The following TRERF1 variants were observed in gnomAD, a reference collection of about 807,000 sequenced individuals.
TRERF1 encodes transcriptional regulating factor 1, also known as transcriptional-regulating factor 1.
In TRERF1, 27 loss-of-function variants were observed where a neutral mutation model predicts 122.9. The ratio of observed to expected loss-of-function variants is 0.22; its 90% CI spans 0.16 to 0.30. TRERF1 has a LOEUF of 0.30. Ranked by LOEUF, TRERF1 falls within the 10% of genes least tolerant of loss-of-function variation. TRERF1 has a pLI of 1.00. For missense variants in TRERF1, 1,248 were observed against 1,560.3 expected (o/e 0.80, Z 3.37); for synonymous variants, 636 against 641.7 (o/e 0.99, Z 0.13).
intron 2 of TRERF1, among the ~76,000 whole-genome samples, chr6:42,368,630 T>C (rs889817673): frequency 6.6e-6 from 1 of 152,180 alleles, no homozygotes; most frequent in Non-Finnish European, 1.5e-5. Flanking sequence ...AGCGTCTTCT[T>C]TACAAATAGA....
At chr6:42,391,942 C>T (rs1777806612) in intron 2 of TRERF1, among the ~76,000 whole-genome samples, 1 of 152,194 alleles carries the variant, frequency 6.6e-6, no homozygotes, top group African/African-American at 2.4e-5. Flanking sequence ...TGGCCAGGGT[C>T]AGGCTGGGCT....
At chr6:42,240,906 T>C (rs956065822) in intron 15 of TRERF1, among the ~76,000 whole-genome samples, 2 of 152,192 alleles carry the variant, frequency 1.3e-5, no homozygotes, top group African/African-American at 4.8e-5. Flanking sequence ...TTTGTTTTTT[T>C]TTCTGAGATG....
chr6:42,350,579 C>T (rs1410337617), intron 3 of TRERF1, among the ~76,000 whole-genome samples: 1 of 152,178 alleles, frequency 6.6e-6, no homozygotes, highest in Non-Finnish European at 1.5e-5. Context: ...ACCAGTGCCC[C>T]AAATCCTTCC....
chr6:42,324,190 A>G (rs1763908292), intron 3 of TRERF1, among the ~76,000 whole-genome samples: 1 of 152,208 alleles, frequency 6.6e-6, no homozygotes, highest in Non-Finnish European at 1.5e-5. Flanking sequence ...CCAGGAATAC[A>G]TCTAACAAAG....
At chr6:42,290,851 C>T (rs555296670) in intron 4 of TRERF1, among the ~76,000 whole-genome samples, 125 of 147,144 alleles carry the variant, frequency 8.5e-4, no homozygotes, top group African/African-American at 3.1e-3. Context: ...GTGGCCTGCT[C>T]CAGTGACCAC....
At chr6:42,388,386 G>A (rs1217528867) in intron 2 of TRERF1, among the ~76,000 whole-genome samples, 2 of 151,942 alleles carry the variant, frequency 1.3e-5, no homozygotes, top group South Asian at 2.1e-4. Flanking sequence ...GGAAAAATAC[G>A]AGCTCAGCAC....
intron 14 of TRERF1, 43 bp from the exon 15 acceptor site, chr6:42,243,404 G>C (rs1466474946): frequency 7.5e-7 from 1 of 1,340,484 alleles, no homozygotes; most frequent in Non-Finnish European, 1.1e-6. Context: ...GCAATGGGCA[G>C]AGAGCAAAGG....
intron 3 of TRERF1, among the ~76,000 whole-genome samples, chr6:42,339,771 A>G (rs1347176005): frequency 2.6e-5 from 4 of 152,224 alleles, no homozygotes; most frequent in Non-Finnish European, 5.9e-5. Flanking sequence ...CAGAAACACA[A>G]TGTATGAATT....
At chr6:42,264,877 G>A (rs769336861) in intron 6 of TRERF1, 23 bp from the exon 7 acceptor site, 26 of 1,613,112 alleles carry the variant, frequency 1.6e-5, no homozygotes, top group Non-Finnish European at 1.9e-5. Context: ...AGAGTCAAAT[G>A]GAGAGGACAC....
chr6:42,310,965 T>A (rs911606367), intron 3 of TRERF1, among the ~76,000 whole-genome samples: 1 of 152,236 alleles, frequency 6.6e-6, no homozygotes, highest in Admixed American at 6.5e-5. Flanking sequence ...GTGTGATAAA[T>A]TCTGCATGTA....
chr6:42,435,155 TCAAA>T lies in TRERF1; in HGVS notation c.-454+16018_-454+16021del, dbSNP rs1230581500. Among the ~76,000 whole-genome samples, 13 of 148,600 alleles carry T rather than the reference TCAAA, an allele frequency of 8.7e-5. No individual in the cohort carries two copies. The South Asian group carries it at 1.5e-3, about 17-fold the overall frequency. On this transcript the variant is annotated intron_variant, in intron 2 of 17. Coordinates refer to ENST00000372922, the Ensembl canonical transcript of TRERF1. ...TCAAAAAAAAAAGAAAGAAAGAAAA[TCAAA>T]CAAACAAACACACACAAAAAAAATG...
Position 42,309,701 on chromosome 6 carries a change from C to G in TRERF1, c.-370-8952G>C, listed in dbSNP as rs191124007. 4.5e-3 allele frequency among the ~76,000 whole-genome samples: 682 copies of G among 151,934 alleles called. 4 individuals carry two copies. The highest frequency in any genetic ancestry group is 0.012 in the Admixed American group (178 of 15,268). On this transcript the variant is annotated intron_variant, in intron 3 of 17. Coordinates refer to ENST00000372922, the Ensembl canonical transcript of TRERF1. ...CTGGCCTTTGTAGAGCTGTGCTGTCCAATATGGCAGCTACTAGCCGTAAGT... is the reference window on the plus strand; with the variant it reads ...CTGGCCTTTGTAGAGCTGTGCTGTCGAATATGGCAGCTACTAGCCGTAAGT...
intron 3 of TRERF1, among the ~76,000 whole-genome samples, chr6:42,335,597 G>A (rs567473128): frequency 5.3e-5 from 8 of 152,160 alleles, no homozygotes; most frequent in African/African-American, 1.2e-4. Context: ...ACATGAGTGC[G>A]GATGGGGCGT....
At chr6:42,357,383 G>A (rs1168423416) in intron 3 of TRERF1, among the ~76,000 whole-genome samples, 2 of 149,802 alleles carry the variant, frequency 1.3e-5, no homozygotes, top group Admixed American at 1.3e-4. Flanking sequence ...TGCAAGAACT[G>A]TGCCATATAA....
At position 42,263,091 on chromosome 6, in the gene TRERF1, G is replaced by A. The variant is rs1778515802; in HGVS notation, c.1884+229C>T. On this transcript the variant is annotated intron_variant, in intron 8 of 17. Transcript: ENST00000372922. This position sits in a 1 kb window ranked among gnomAD's most constrained non-coding sequence, Gnocchi z 5.6. ...AGGCCATTAGTTTGGCATTTAATGG[G>A]GAGCAGGCAGTGTGAACAAGGGTAG... 6.6e-6 allele frequency among the ~76,000 whole-genome samples: 1 copy of A among 152,192 alleles called. No homozygotes were observed.
Position 42,275,206 on chromosome 6 carries a change from G to C in TRERF1, c.-258-5358C>G, listed in dbSNP as rs781178416. ...CAGAATTCTTATAATACCAACTCAG[G>C]ATTCAAGTCTTTATTATTTTTCTAA... On this transcript the variant is annotated intron_variant, in intron 4 of 17. Transcript: ENST00000372922. This position sits in a 1 kb window ranked among gnomAD's most constrained non-coding sequence, Gnocchi z 4.1. Among the ~76,000 whole-genome samples the C allele has an allele frequency of 1.4e-4, 21 of 152,192 alleles. No homozygotes were observed. The highest frequency in any genetic ancestry group is 5.1e-4 in the African/African-American group (21 of 41,426).
At chr6:42,347,324 C>G (rs1768488960) in intron 3 of TRERF1, among the ~76,000 whole-genome samples, 1 of 152,188 alleles carries the variant, frequency 6.6e-6, no homozygotes, top group Admixed American at 6.5e-5. Flanking sequence ...TGAGCATTTA[C>G]TATGTGGCAG....
intron 2 of TRERF1, among the ~76,000 whole-genome samples, chr6:42,435,952 C>T (rs1418181425): frequency 6.6e-6 from 1 of 151,714 alleles, no homozygotes; most frequent in African/African-American, 2.4e-5. Context: ...TGCACTCCAG[C>T]CCAGGCGACA....
intron 16 of TRERF1, among the ~76,000 whole-genome samples, chr6:42,233,493 G>T (rs529110077): frequency 2.0e-5 from 3 of 151,894 alleles, no homozygotes; most frequent in South Asian, 2.1e-4. Context: ...CACCGTGTTA[G>T]CCAGGATGGT....
Sources: allele counts gnomAD v4.1 joint callset (sites outside exome capture counted in the v4.1 genomes callset), GRCh38; gene constraint gnomAD v4.1.1; non-coding constraint Gnocchi (gnomAD v3.1); transcripts MANE v1.5; gene names NCBI Gene and HGNC (gene_info 2026-07-23, HGNC 2026-07-21).